THEMIS: variants seen among roughly 807,000 people sequenced by gnomAD.
THEMIS encodes protein THEMIS.
In THEMIS, 37 loss-of-function variants were observed where a neutral mutation model predicts 52.6. That is an observed-to-expected ratio of 0.70 (90% confidence interval 0.54 to 0.93). THEMIS has a LOEUF of 0.93. Ranked by LOEUF, THEMIS falls within the 40% of genes least tolerant of loss-of-function variation. THEMIS has a pLI of 0.00. For missense variants in THEMIS, 808 were observed against 763.1 expected (o/e 1.06, Z -0.69); for synonymous variants, 292 against 272.7 (o/e 1.07, Z -0.70).
chr6:127,748,233 A>C (rs1052286130), intron 4 of THEMIS, among the ~76,000 whole-genome samples: 1 of 152,186 alleles, frequency 6.6e-6, no homozygotes, highest in East Asian at 1.9e-4. Flanking sequence ...TGGATAATTT[A>C]GAAAGGAGAG....
intron 1 of THEMIS, among the ~76,000 whole-genome samples, chr6:127,907,210 C>G (rs1781293033): frequency 1.3e-5 from 2 of 151,754 alleles, no homozygotes; most frequent in South Asian, 4.2e-4. Context: ...AGGAATCACT[C>G]CTGTGATTTT....
intron 1 of THEMIS, among the ~76,000 whole-genome samples, chr6:127,871,461 T>G (rs930788743): frequency 6.6e-6 from 1 of 151,670 alleles, no homozygotes; most frequent in African/African-American, 2.4e-5. Flanking sequence ...TAATCTAAGC[T>G]CATAATTCAA....
At chr6:127,784,204 C>T (rs567096266) in intron 4 of THEMIS, among the ~76,000 whole-genome samples, 12 of 151,970 alleles carry the variant, frequency 7.9e-5, no homozygotes, top group South Asian at 4.2e-4. Flanking sequence ...CATGGACAGA[C>T]GGAGGGGAAC....
chr6:127,918,552 C>T (rs546589724), upstream of THEMIS: 1 of 152,150 alleles, frequency 6.6e-6, no homozygotes, highest in Non-Finnish European at 1.5e-5. Flanking sequence ...CCCTACCCAC[C>T]AGCCAAAGAG....
At chr6:127,872,534 C>G (rs1172787596) in intron 1 of THEMIS, among the ~76,000 whole-genome samples, 1 of 152,026 alleles carries the variant, frequency 6.6e-6, no homozygotes. Flanking sequence ...TGCACTGCAG[C>G]CTGGGTGACA....
In THEMIS at chr6:127,708,259, T is replaced by C. The variant is rs1253976751; in HGVS notation, c.*1726A>G. On this transcript the variant is annotated 3_prime_UTR_variant, in exon 6 of 6. Coordinates refer to ENST00000368248, the MANE Select transcript of THEMIS (RefSeq NM_001010923.3). ...ATCTCCAATAGGTGAGCATGAAGTT[T>C]ATTACACTTTTCAATATCAAGACAA... 1 of 152,134 alleles carries C rather than the reference T, an allele frequency of 6.6e-6. No individual in the cohort carries two copies. The highest frequency in any genetic ancestry group is 1.5e-5 in the Non-Finnish European group (1 of 68,012). 9.4% of individuals were successfully genotyped at this position (152,134 alleles called of 1,614,324 possible).
upstream of THEMIS, among the ~76,000 whole-genome samples, chr6:127,903,510 T>C (rs916462127): frequency 5.1e-4 from 77 of 152,054 alleles, no homozygotes; most frequent in African/African-American, 1.7e-3. Flanking sequence ...TGTTAAATAA[T>C]TGGGGAGAAA....
At chr6:127,886,110 T>C (rs766993814) in intron 1 of THEMIS, among the ~76,000 whole-genome samples, 2 of 152,110 alleles carry the variant, frequency 1.3e-5, no homozygotes, top group Non-Finnish European at 2.9e-5. Flanking sequence ...CTTCCTACCA[T>C]AACATTTTGG....
chr6:127,803,086 G>A (rs1027552703), intron 4 of THEMIS, among the ~76,000 whole-genome samples: 6 of 152,138 alleles, frequency 3.9e-5, no homozygotes, highest in Non-Finnish European at 8.8e-5. Flanking sequence ...TCTTGAATAT[G>A]TGTCTTCCAT....
At chr6:127,732,240 T>G (rs1009808011) in intron 4 of THEMIS, among the ~76,000 whole-genome samples, 16 of 152,054 alleles carry the variant, frequency 1.1e-4, no homozygotes, top group Admixed American at 9.8e-4. Flanking sequence ...TGTTTGTAAA[T>G]TTTCATTTCA....
At chr6:127,902,342 A>AT (rs1430134077), upstream of THEMIS, among the ~76,000 whole-genome samples, 406 of 150,024 alleles carry the variant, frequency 2.7e-3, 2 homozygotes, top group Middle Eastern at 0.014. Context: ...AAAAAAAAAA[A>AT]AAATAAAGAA....
Position 127,911,595 on chromosome 6 carries a change from G to A in THEMIS, c.-150+6833C>T, listed in dbSNP as rs1006563022. Among the ~76,000 whole-genome samples, 33 of 151,366 alleles carry A rather than the reference G, an allele frequency of 2.2e-4. 1 individual carries two copies. Among genetic ancestry groups the A allele is most frequent in the African/African-American group, 8.1e-4 (33 of 40,706 alleles). On this transcript the variant is annotated intron_variant, in intron 1 of 6. Transcript: ENST00000368250. ...TATTCATCTGTATTTACATAAGAAT[G>A]TAAACGTAAGTTCATACTGATATTG...
intron 1 of THEMIS, among the ~76,000 whole-genome samples, chr6:127,889,642 A>G (rs1421590105): frequency 4.6e-5 from 7 of 152,132 alleles, no homozygotes; most frequent in Non-Finnish European, 1.0e-4. Context: ...AAAGAGTTAT[A>G]TTAGTTAATT....
At chr6:127,852,802 C>G (rs531389549) in intron 2 of THEMIS, among the ~76,000 whole-genome samples, 27 of 151,570 alleles carry the variant, frequency 1.8e-4, no homozygotes, top group Non-Finnish European at 3.4e-4. Context: ...TCTAGGAGTT[C>G]TCTTTGAAGA....
intron 5 of THEMIS, among the ~76,000 whole-genome samples, chr6:127,716,837 A>G (rs1774182289): frequency 1.3e-5 from 2 of 151,806 alleles, no homozygotes; most frequent in African/African-American, 4.8e-5. Context: ...GAAAGAGTCC[A>G]TTAGAGAGCG....
At chr6:127,880,689 C>T (rs539663459) in intron 1 of THEMIS, among the ~76,000 whole-genome samples, 19 of 151,758 alleles carry the variant, frequency 1.3e-4, no homozygotes, top group Non-Finnish European at 2.6e-4. Context: ...AAAACCAACC[C>T]TTCTAATGTA....
intron 4 of THEMIS, among the ~76,000 whole-genome samples, chr6:127,786,926 G>A (rs915698973): frequency 2.6e-5 from 4 of 152,114 alleles, no homozygotes; most frequent in Non-Finnish European, 5.9e-5. Flanking sequence ...CACAGTAGCT[G>A]TGAGAAAAAG....
At chr6:127,820,511 A>T (rs1192739607) in intron 3 of THEMIS, among the ~76,000 whole-genome samples, 1 of 152,168 alleles carries the variant, frequency 6.6e-6, no homozygotes, top group Non-Finnish European at 1.5e-5. Flanking sequence ...ATGAATTGAC[A>T]CTTTGAATGC....
At chr6:127,769,764 C>T (rs190111136) in intron 4 of THEMIS, among the ~76,000 whole-genome samples, 6 of 152,142 alleles carry the variant, frequency 3.9e-5, no homozygotes, top group South Asian at 2.1e-4. Flanking sequence ...TTTCTCCTGA[C>T]GCTACCCCTC....
Sources: gnomAD v4.1 joint callset for allele counts (sites outside exome capture counted in the v4.1 genomes callset) on GRCh38, gnomAD v4.1.1 for gene constraint, MANE v1.5 for transcripts, NCBI Gene and HGNC (gene_info 2026-07-23, HGNC 2026-07-21) for gene names.